RAB6B: variants seen among roughly 807,000 people sequenced by gnomAD.
RAB6B encodes the protein ras-related protein Rab-6B.
In RAB6B, 7 loss-of-function variants were observed where a neutral mutation model predicts 31.2. The ratio of observed to expected loss-of-function variants is 0.22; its 90% CI spans 0.13 to 0.42. The LOEUF (loss-of-function observed/expected upper bound fraction) is 0.42. Ranked by LOEUF, RAB6B falls within the 10% of genes least tolerant of loss-of-function variation. RAB6B has a pLI of 1.00. For synonymous variants in RAB6B, 105 were observed against 104.9 expected (o/e 1.00, Z -0.01); for missense variants, 149 against 280.6 (o/e 0.53, Z 3.35).
intron 1 of RAB6B, among the ~76,000 whole-genome samples, chr3:133,891,830 A>G (rs1397760125): frequency 6.6e-6 from 1 of 152,216 alleles, no homozygotes; most frequent in African/African-American, 2.4e-5. Context: ...TACCAGGGGC[A>G]GGGCAGGCAG....
intron 4 of RAB6B, 112 bp from the exon 5 acceptor site, chr3:133,839,729 T>A (rs533034261): frequency 1.3e-6 from 1 of 794,378 alleles, no homozygotes; most frequent in Non-Finnish European, 2.2e-6. Flanking sequence ...TGCCCTCAGA[T>A]ACCCAGGGAG....
In RAB6B at chr3:133,836,162, G is replaced by C. The variant is rs9814724; in HGVS notation, c.496-1521C>G. On this transcript the variant is annotated intron_variant, in intron 6 of 7. Coordinates refer to ENST00000285208, the MANE Select transcript of RAB6B (RefSeq NM_016577.4). ...GGGCTAAAGGCCATGAGGGCCCAAG[G>C]GGGGAAGCTGCTGGTGGGCCCAGCA... Among the ~76,000 whole-genome samples the C allele has an allele frequency of 7.3e-3, 1,114 of 152,352 alleles. 7 individuals are homozygous for C. Among genetic ancestry groups the C allele is most frequent in the Non-Finnish European group, 0.011 (754 of 68,018 alleles).
rs144936366 is a variant in RAB6B at position 133,856,889 on chromosome 3, C to T, written c.129+7695G>A. Among the ~76,000 whole-genome samples, 367 of 152,230 alleles carry T rather than the reference C, an allele frequency of 2.4e-3. 2 individuals carry two copies. Among genetic ancestry groups the T allele is most frequent in the South Asian group, 5.6e-3 (27 of 4,796 alleles). On this transcript the variant is annotated intron_variant, in intron 2 of 7. Transcript: ENST00000285208. ...CAGATTTCACGACATAAGAGTGTCA[C>T]CTCATATTGTGACCCCAGAACATAA...
chr3:133,834,504 T>G lies in RAB6B; in HGVS notation c.562+71A>C, dbSNP rs779514573. 2.5e-4 allele frequency: 378 copies of G among 1,503,748 alleles called. 1 individual carries two copies. The highest frequency in any genetic ancestry group is 4.0e-5 in the Non-Finnish European group (43 of 1,080,282). 93.2% of individuals were successfully genotyped at this position (1,503,748 alleles called of 1,614,324 possible). A position where few individuals can be genotyped will look rare whatever the true frequency, so the allele number is the denominator to read the frequency against. On this transcript the variant is annotated intron_variant, in intron 7 of 7. Transcript: ENST00000285208. ...GGGGACTGGGCGAGTGTCTGTCCACTGCACTAACATATTCAGTGAATAAAT... is the reference window on the plus strand; with the variant it reads ...GGGGACTGGGCGAGTGTCTGTCCACGGCACTAACATATTCAGTGAATAAAT...
chr3:133,841,793 C>A, intron 2 of RAB6B, 130 bp from the exon 3 acceptor site: 1 of 790,398 alleles, frequency 1.3e-6, no homozygotes, highest in South Asian at 1.7e-5. Flanking sequence ...TGGCCATGCT[C>A]TGTCCTCCCT....
intron 2 of RAB6B, among the ~76,000 whole-genome samples, chr3:133,859,306 T>C (rs983103363): frequency 6.6e-6 from 1 of 152,210 alleles, no homozygotes. Flanking sequence ...CCGTAGCTCA[T>C]GTAGGTCTTA....
At chr3:133,860,341 C>G (rs1936142148) in intron 2 of RAB6B, among the ~76,000 whole-genome samples, 1 of 152,132 alleles carries the variant, frequency 6.6e-6, no homozygotes, top group Non-Finnish European at 1.5e-5. Flanking sequence ...AGACAGGAGG[C>G]CTGCTGAAGA....
intron 1 of RAB6B, among the ~76,000 whole-genome samples, chr3:133,867,846 G>T (rs1157107785): frequency 2.0e-5 from 3 of 152,158 alleles, no homozygotes; most frequent in African/African-American, 7.2e-5. Context: ...TTACTTTGCT[G>T]CAAAAGGCAA....
At chr3:133,837,034 A>G (rs1287587329) in intron 6 of RAB6B, among the ~76,000 whole-genome samples, 1 of 152,084 alleles carries the variant, frequency 6.6e-6, no homozygotes, top group Non-Finnish European at 1.5e-5. Context: ...GCAGGGCAGA[A>G]GCGACCGCCA....
In RAB6B at chr3:133,827,835, C is replaced by T. The variant is rs1450440221; in HGVS notation, c.*953G>A. 8.2e-6 allele frequency: 5 copies of T among 606,544 alleles called. No individual in the cohort carries two copies. The Admixed American group carries it at 1.1e-4, about 13-fold the overall frequency. The allele number at this position is 606,544 out of a possible 1,614,324, so 37.6% of individuals were successfully genotyped here. A position where few individuals can be genotyped will look rare whatever the true frequency, so the allele number is the denominator to read the frequency against. On this transcript the variant is annotated 3_prime_UTR_variant, in exon 8 of 8. Coordinates refer to ENST00000285208, the MANE Select transcript of RAB6B (RefSeq NM_016577.4). ...ATCCAGGAGGAAGGCTTCAGGATGG[C>T]ACACTGCCCAACATCACACACTGAG...
At chr3:133,867,413 C>T (rs1052902864) in intron 1 of RAB6B, among the ~76,000 whole-genome samples, 4 of 152,154 alleles carry the variant, frequency 2.6e-5, no homozygotes, top group African/African-American at 9.7e-5. Flanking sequence ...ACACTGGGTA[C>T]CATACCTCCC....
rs972676815 is a variant in RAB6B, at chr3:133,834,712, C to T, written c.496-71G>A. 8.6e-6 allele frequency: 12 copies of T among 1,391,016 alleles called. No homozygotes were observed. The African/African-American group carries it at 1.7e-4, about 20-fold the overall frequency. 86.2% of individuals were successfully genotyped at this position (1,391,016 alleles called of 1,614,324 possible). On this transcript the variant is annotated intron_variant, in intron 6 of 7. Transcript: ENST00000285208. ...CCCTCTGCTCCTCACTGCACCTGCA[C>T]CCTCACCCCTCTTCCCCTCCCAACC...
chr3:133,841,744 CA>C, intron 2 of RAB6B, 81 bp from the exon 3 acceptor site: 1 of 1,430,332 alleles, frequency 7.0e-7, no homozygotes, highest in Non-Finnish European at 9.8e-7. Flanking sequence ...CAGGTGGTGG[CA>C]TAACCAGCAA....
chr3:133,895,390 T>C lies in RAB6B; in HGVS notation c.70+7A>G. ...CGACAAGCCAAGAGATTAAGCCGGG[T>C]ACTTACCGCTCTGCTCCCCCAAGAA... On this transcript the variant is annotated splice_region_variant and intron_variant, in intron 1 of 7. Transcript: ENST00000285208. The C allele has an allele frequency of 6.2e-7, 1 of 1,609,748 alleles. No homozygotes were observed. Among genetic ancestry groups the C allele is most frequent in the Non-Finnish European group, 8.5e-7 (1 of 1,177,930 alleles).
rs5852771 is a variant in RAB6B, at chr3:133,889,388, TTATATATA to T, written c.70+6001_70+6008del. ...ACAAAAGGACAATAAGGTTATTTTGTTATATATATATATATATATATATATATATATAT... is the reference window on the plus strand; with the variant it reads ...ACAAAAGGACAATAAGGTTATTTTGTTATATATATATATATATATATATAT... On this transcript the variant is annotated intron_variant, in intron 1 of 7. Transcript: ENST00000285208. Among the ~76,000 whole-genome samples, 368 of 80,066 alleles carry T rather than the reference TTATATATA, an allele frequency of 4.6e-3. 7 individuals carry two copies. The highest frequency in any genetic ancestry group is 5.9e-3 in the Non-Finnish European group (233 of 39,372). 52.5% of individuals were successfully genotyped at this position (80,066 alleles called of 152,430 possible). A position where few individuals can be genotyped will look rare whatever the true frequency, so the allele number is the denominator to read the frequency against.
intron 2 of RAB6B, among the ~76,000 whole-genome samples, chr3:133,855,406 T>C (rs974521955): frequency 6.6e-6 from 1 of 152,186 alleles, no homozygotes; most frequent in African/African-American, 2.4e-5. Flanking sequence ...CAATGGAGAG[T>C]GGCTTGTACT....
chr3:133,867,361 A>C (rs1431809131), intron 1 of RAB6B, among the ~76,000 whole-genome samples: 1 of 152,206 alleles, frequency 6.6e-6, no homozygotes, highest in Non-Finnish European at 1.5e-5. Context: ...TGAGAACAGT[A>C]AACAGAGGAG....
chr3:133,830,241 C>G (rs771887231), intron 7 of RAB6B, among the ~76,000 whole-genome samples: 4 of 152,264 alleles, frequency 2.6e-5, no homozygotes, highest in Non-Finnish European at 5.9e-5. Context: ...CTGGTCTTCT[C>G]TGAGTGCCCC....
intron 1 of RAB6B, among the ~76,000 whole-genome samples, chr3:133,871,753 C>T (rs116453924): frequency 1.6e-3 from 250 of 152,378 alleles, no homozygotes; most frequent in African/African-American, 5.7e-3. Flanking sequence ...AGAGACTGCA[C>T]GGAGGGTTTG....
Sources: gnomAD v4.1 joint callset for allele counts (sites outside exome capture counted in the v4.1 genomes callset) on GRCh38, gnomAD v4.1.1 for gene constraint, MANE v1.5 for transcripts, NCBI Gene and HGNC (gene_info 2026-07-23, HGNC 2026-07-21) for gene names.